ANKRD62: variants seen among roughly 807,000 people sequenced by gnomAD.
The protein encoded by ANKRD62 is ankyrin repeat domain-containing protein 62.
In ANKRD62, 61 loss-of-function variants were observed where a neutral mutation model predicts 98.8. The observed-to-expected ratio is 0.62, with a 90% CI of 0.50 to 0.76. The LOEUF (loss-of-function observed/expected upper bound fraction) is 0.76. ANKRD62 is among the 30% of genes least tolerant of loss of function. The pLI, the probability that ANKRD62 is intolerant of heterozygous loss-of-function variation, is 0.00. For missense variants in ANKRD62, 933 were observed against 1,082.9 expected, an observed-to-expected ratio of 0.86 and a Z score of 1.94; for synonymous variants, 341 against 367.9, an observed-to-expected ratio of 0.93 and a Z score of 0.84.
At chr18:12,160,632 A>G in the ANKRD62 span, among the ~76,000 whole-genome samples, 37 of 152,148 alleles carry the variant, frequency 2.4e-4, no homozygotes, top group African/African-American at 8.7e-4. Flanking sequence ...CATTATCATA[A>G]TCCATTTTTT....
In ANKRD62 at chr18:12,126,272, A is replaced by T. The variant is rs1224925790; in HGVS notation, c.2451A>T (p.Lys817Asn). ...TCAAATGTGAAGATACTGTAGAAAA[A>T]CTTCAAGCTGAGTGTAGAAAGCTAG... is the stretch of plus-strand genomic sequence containing the variant. ...IQVKCEDTVE[K>N]LQAECRKLEE... Residue 817 changes from lysine to asparagine, a missense_variant, in exon 13 of 14, where the codon AAA becomes AAT. Around this residue, in one of 3 missense-constraint regions of ANKRD62, gnomAD observed 362 missense variants for 434.5 expected, o/e 0.83. Transcript: ENST00000587848. 2.0e-6 allele frequency: 3 copies of T among 1,536,024 alleles called. No individual in the cohort carries two copies.
chr18:12,109,523 G>C, intron 8 of ANKRD62, among the ~76,000 whole-genome samples: 1 of 152,168 alleles, frequency 6.6e-6, no homozygotes, highest in East Asian at 1.9e-4. Context: ...AGTTAGAAAA[G>C]GAAGCTACAT....
At chr18:12,117,290 A>G (rs1263253199) in intron 10 of ANKRD62, among the ~76,000 whole-genome samples, 1 of 152,190 alleles carries the variant, frequency 6.6e-6, no homozygotes, top group South Asian at 2.1e-4. Flanking sequence ...CCATTGTAAT[A>G]TGAGAGCAGC....
the ANKRD62 span, among the ~76,000 whole-genome samples, chr18:12,151,401 G>A: frequency 6.6e-6 from 1 of 152,102 alleles, no homozygotes; most frequent in African/African-American, 2.4e-5. Context: ...AGGTATATGG[G>A]ACCTGAAGTC....
intron 6 of ANKRD62, among the ~76,000 whole-genome samples, chr18:12,099,888 TG>T (rs1909262228): frequency 6.6e-6 from 1 of 152,156 alleles, no homozygotes; most frequent in Non-Finnish European, 1.5e-5. Flanking sequence ...CAGTATTATC[TG>T]AAAAAAACTC....
intron 10 of ANKRD62, among the ~76,000 whole-genome samples, chr18:12,119,511 T>C (rs1463373837): frequency 6.6e-6 from 1 of 152,170 alleles, no homozygotes; most frequent in African/African-American, 2.4e-5. Flanking sequence ...GGATCATAGA[T>C]GTGTTCTTTT....
intron 8 of ANKRD62, among the ~76,000 whole-genome samples, chr18:12,108,129 G>A (rs1909455821): frequency 6.6e-6 from 1 of 152,166 alleles, no homozygotes; most frequent in African/African-American, 2.4e-5. Flanking sequence ...AAATGAAGTT[G>A]CATTTATAGT....
chr18:12,174,422 T>G, the ANKRD62 span, among the ~76,000 whole-genome samples: 51 of 152,314 alleles, frequency 3.3e-4, 1 homozygote, highest in South Asian at 9.7e-3. Flanking sequence ...ATCCCTAGAG[T>G]CCTTGGATTA....
chr18:12,099,718 C>T, intron 6 of ANKRD62, 36 bp downstream of exon 6: 1 of 1,242,750 alleles, frequency 8.0e-7, no homozygotes, highest in Admixed American at 2.9e-5. Flanking sequence ...CTCGATGGTC[C>T]TGTCATAGAT....
chr18:12,153,858 A>AT, the ANKRD62 span, among the ~76,000 whole-genome samples: 1 of 152,206 alleles, frequency 6.6e-6, no homozygotes, highest in South Asian at 2.1e-4. Context: ...CACTGGGGGA[A>AT]AGATTCCCTA....
At chr18:12,181,037 G>T in the ANKRD62 span, among the ~76,000 whole-genome samples, 1 of 150,320 alleles carries the variant, frequency 6.7e-6, no homozygotes, top group Non-Finnish European at 1.5e-5. Context: ...AGAACATGTG[G>T]TGTAAAACAA....
the ANKRD62 span, among the ~76,000 whole-genome samples, chr18:12,152,255 A>G: frequency 6.6e-6 from 1 of 151,096 alleles, no homozygotes; most frequent in Non-Finnish European, 1.5e-5. Flanking sequence ...CATTCTCCTG[A>G]TACCGAAACC....
chr18:12,119,875 A>G (rs1244503845), intron 10 of ANKRD62, among the ~76,000 whole-genome samples: 1 of 152,070 alleles, frequency 6.6e-6, no homozygotes, highest in African/African-American at 2.4e-5. Context: ...GCTGCATTCT[A>G]CCAACCTCAA....
At chr18:12,153,475 C>G in the ANKRD62 span, among the ~76,000 whole-genome samples, 1 of 151,630 alleles carries the variant, frequency 6.6e-6, no homozygotes, top group Non-Finnish European at 1.5e-5. Flanking sequence ...ACCTGTAACC[C>G]CAGCTACTCA....
chr18:12,137,142 G>T, the ANKRD62 span, among the ~76,000 whole-genome samples: 1 of 152,146 alleles, frequency 6.6e-6, no homozygotes, highest in Non-Finnish European at 1.5e-5. Flanking sequence ...GAAAGGGAAT[G>T]CTTCCAGTTT....
rs1361642907 is a variant in ANKRD62 at position 12,125,882 on chromosome 18, A to G, written c.2061A>G (p.Glu687=). 4.5e-6 allele frequency: 7 copies of G among 1,544,276 alleles called. No homozygotes were observed. The highest frequency in any genetic ancestry group is 4.4e-6 in the Non-Finnish European group (5 of 1,147,132). Residue 687 remains glutamate (E), a synonymous_variant, in exon 13 of 14, where the codon GAA becomes GAG. Transcript: ENST00000587848. The stretch of plus-strand genomic sequence containing the variant: ...TTGCTTTCCAGAGCACAGTGAATGA[A>G]TGGTGTCATTTACAAGAAGACACTA... ...LQLAFQSTVN[E]WCHLQEDTNS...
chr18:12,141,417 G>T, the ANKRD62 span, among the ~76,000 whole-genome samples: 1 of 152,170 alleles, frequency 6.6e-6, no homozygotes, highest in Non-Finnish European at 1.5e-5. Flanking sequence ...AAAATCACCC[G>T]TCTTCTGTGT....
intron 11 of ANKRD62, among the ~76,000 whole-genome samples, 153 bp from the exon 12 acceptor site, chr18:12,123,982 TTA>T (rs1909835159): frequency 6.6e-6 from 1 of 152,154 alleles, no homozygotes; most frequent in South Asian, 2.1e-4. Flanking sequence ...ACCTTTCAAT[TTA>T]TATGTCTTCT....
intron 8 of ANKRD62, among the ~76,000 whole-genome samples, chr18:12,113,994 G>A (rs1204442020): frequency 1.3e-5 from 2 of 152,188 alleles, no homozygotes; most frequent in African/African-American, 4.8e-5. Context: ...GTGGAACATG[G>A]ATGGAGCTGG....
Sources: gnomAD v4.1 joint callset for allele counts (sites outside exome capture counted in the v4.1 genomes callset) on GRCh38, gnomAD v4.1.1 for gene constraint, gnomAD v4.1.1 regional missense constraint, MANE v1.5 for transcripts, NCBI Gene and HGNC (gene_info 2026-07-23, HGNC 2026-07-21) for gene names.